OTOG: variants seen among roughly 807,000 people sequenced by gnomAD.
The protein encoded by OTOG is otogelin.
OTOG carries 296 observed loss-of-function variants against 313.8 expected under a neutral mutation model. The ratio of observed to expected loss-of-function variants is 0.94; its 90% confidence interval spans 0.86 to 1.04. OTOG has a LOEUF of 1.04. OTOG is among the 50% of genes least tolerant of loss of function. The probability of loss-of-function intolerance (pLI) is 0.00; values close to 1 mark genes in which losing one functional copy is unlikely to be tolerated. For synonymous variants in OTOG, 1,533 were observed against 1,554.9 expected (o/e 0.99, Z 0.33); for missense variants, 3,948 against 3,840.1 (o/e 1.03, Z -0.74).
chr11:17,575,359 T>G (rs1417694547), intron 20 of OTOG, among the ~76,000 whole-genome samples: 1 of 152,220 alleles, frequency 6.6e-6, no homozygotes, highest in East Asian at 1.9e-4. Flanking sequence ...CAAGAGCTGT[T>G]GAGCCAAGTA....
rs1853498923 is a variant in OTOG at position 17,610,335 on chromosome 11, A to G, written c.5035A>G (p.Thr1679Ala). 1.3e-6 allele frequency: 2 copies of G among 1,550,702 alleles called. No homozygotes were observed. The highest frequency in any genetic ancestry group is 1.7e-6 in the Non-Finnish European group (2 of 1,147,006). Residue 1679 changes from threonine (T) to alanine (A), a missense_variant, in exon 36 of 56, where the codon ACA becomes GCA. Thr to Ala is a moderately conservative substitution (Grantham distance 58, BLOSUM62 0). Coordinates refer to ENST00000399397, the MANE Select transcript of OTOG (RefSeq NM_001292063.2). ...TGCAGTAACTAAGGTCATAAGCAGG[A>G]CAGGGGTCCCCCAGCCCACCCAGGC... is the stretch of plus-strand genomic sequence containing the variant. Reference protein sequence around the residue: ...TPAVTKVISRTGVPQPTQAQS... With the variant: ...TPAVTKVISRAGVPQPTQAQS...
chr11:17,618,140 A>T (rs1853771587), intron 39 of OTOG, among the ~76,000 whole-genome samples: 1 of 152,250 alleles, frequency 6.6e-6, no homozygotes, highest in South Asian at 2.1e-4. Flanking sequence ...TGATCTCGTG[A>T]TCCACCCGCC....
chr11:17,617,058 C>A (rs1484170131), intron 39 of OTOG, among the ~76,000 whole-genome samples: 1 of 152,096 alleles, frequency 6.6e-6, no homozygotes, highest in East Asian at 1.9e-4. Flanking sequence ...GATTTTATTA[C>A]CAGGAGTAGA....
intron 22 of OTOG, among the ~76,000 whole-genome samples, chr11:17,578,112 G>A (rs531951266): frequency 6.6e-6 from 1 of 152,094 alleles, no homozygotes; most frequent in African/African-American, 2.4e-5. Flanking sequence ...GATGATGCAG[G>A]GGAAGCACCT....
intron 48 of OTOG, 55 bp downstream of exon 48, chr11:17,638,604 G>A: frequency 6.5e-7 from 1 of 1,527,848 alleles, no homozygotes; most frequent in Non-Finnish European, 8.9e-7. Context: ...GCCCTGCTGA[G>A]GAGGGATTGA....
intron 54 of OTOG, among the ~76,000 whole-genome samples, chr11:17,644,735 C>T (rs760102544): frequency 6.8e-6 from 1 of 147,392 alleles, no homozygotes; most frequent in African/African-American, 2.6e-5. Context: ...CTGGAAGGGG[C>T]CTGTGCAAAA....
In OTOG at chr11:17,587,669, G is replaced by A. The variant is rs140919289; in HGVS notation, c.2867+1088G>A. The stretch of plus-strand genomic sequence containing the variant: ...GGTCAAGCCCATCTGCTCCAAGGCC[G>A]GTTTCTCCAGATACATCAGAGTGTA... On this transcript the variant is annotated intron_variant, in intron 24 of 55. Coordinates refer to ENST00000399397, the MANE Select transcript of OTOG (RefSeq NM_001292063.2). 2.8e-3 allele frequency among the ~76,000 whole-genome samples: 429 copies of A among 152,286 alleles called. 1 individual carries two copies. Among genetic ancestry groups the A allele is most frequent in the African/African-American group, 9.6e-3 (399 of 41,552 alleles).
intron 19 of OTOG, among the ~76,000 whole-genome samples, chr11:17,574,020 C>G (rs867903052): frequency 6.6e-6 from 1 of 152,184 alleles, no homozygotes; most frequent in East Asian, 1.9e-4. Flanking sequence ...TGGGCCACAT[C>G]GAGTATCAAC....
At chr11:17,586,076 T>C (rs1435870475) in intron 23 of OTOG, among the ~76,000 whole-genome samples, 3 of 152,208 alleles carry the variant, frequency 2.0e-5, no homozygotes, top group African/African-American at 4.8e-5. Flanking sequence ...ACAGCAGCAC[T>C]GCTGCTTTGG....
At chr11:17,645,427 A>T (rs747918608) in intron 54 of OTOG, 137 bp from the exon 55 acceptor site, 13 of 757,106 alleles carry the variant, frequency 1.7e-5, no homozygotes, top group Non-Finnish European at 2.8e-5. Context: ...CTGGATGGGG[A>T]GGGGCACTAA....
In OTOG at chr11:17,578,391, G is replaced by A. The variant is rs924273517; in HGVS notation, c.2624G>A (p.Gly875Asp). Residue 875 changes from glycine (G) to aspartate (D), a missense_variant, in exon 23 of 56, where the codon GGC becomes GAC. Physicochemically the swap from Gly to Asp is moderately conservative, Grantham distance 94. Transcript: ENST00000399397. ...SRAPAAACPA[G>D]QVFVNCSDLH... ...CTTCCAGCTGCTGCCTGCCCAGCAGGCCAGGTCTTCGTGAACTGCAGCGAC... is the reference window on the plus strand; with the variant it reads ...CTTCCAGCTGCTGCCTGCCCAGCAGACCAGGTCTTCGTGAACTGCAGCGAC... The A allele has an allele frequency of 3.9e-6, 6 of 1,528,538 alleles. No individual in the cohort carries two copies. In the South Asian group the frequency reaches 7.2e-5, roughly 18 times the overall value. The allele number at this position is 1,528,538 out of a possible 1,614,324, so 94.7% of individuals were successfully genotyped here.
chr11:17,606,224 A>AC (rs1853385978), intron 33 of OTOG, 89 bp downstream of exon 33: 1 of 1,401,152 alleles, frequency 7.1e-7, no homozygotes, highest in African/African-American at 1.4e-5. Flanking sequence ...CCTTCCAATT[A>AC]CCCCTAAGAA....
intron 34 of OTOG, among the ~76,000 whole-genome samples, chr11:17,608,715 T>C (rs940552114): frequency 3.3e-5 from 5 of 152,172 alleles, no homozygotes; most frequent in African/African-American, 1.2e-4. Context: ...TGAGGGTGTA[T>C]TCACTGATTT....
chr11:17,596,273 G>A (rs1565109430), intron 29 of OTOG, 119 bp downstream of exon 29: 2 of 754,300 alleles, frequency 2.7e-6, no homozygotes, highest in Non-Finnish European at 4.5e-6. Context: ...GGGAAGATCT[G>A]CCTCTGCCAT....
chr11:17,559,117 C>T lies in OTOG; in HGVS notation c.1169C>T (p.Ala390Val), dbSNP rs1326511501. The T allele has an allele frequency of 1.3e-6, 2 of 1,543,724 alleles. No homozygotes were observed. The highest frequency in any genetic ancestry group is 1.4e-5 in the African/African-American group (1 of 73,178). The change falls in exon 11 of 56, where the codon GCA becomes GTA. Residue 390 changes from alanine (A) to valine (V), a missense_variant. Coordinates refer to ENST00000399397, the MANE Select transcript of OTOG (RefSeq NM_001292063.2). ...GAGTATGCCCGGGCGTGTGCCCAGGCAGGGCGGCCCTTGCAAGGCTGGAGG... is the reference window on the plus strand; with the variant it reads ...GAGTATGCCCGGGCGTGTGCCCAGGTAGGGCGGCCCTTGCAAGGCTGGAGG... ...LAEYARACAQ[A>V]GRPLQGWRTQ...
intron 11 of OTOG, 21 bp from the exon 12 acceptor site, chr11:17,559,513 C>T (rs1852131196): frequency 4.5e-6 from 7 of 1,550,380 alleles, no homozygotes; most frequent in Admixed American, 2.0e-5. Flanking sequence ...GCTGAGAGAC[C>T]ATGGATCCCT....
Position 17,581,389 on chromosome 11 carries a change from CAG to C in OTOG, c.2759+2864_2759+2865del, listed in dbSNP as rs1852662476. On this transcript the variant is annotated intron_variant, in intron 23 of 55. Transcript: ENST00000399397. The stretch of plus-strand genomic sequence containing the variant: ...GGAGGGGTGAGATGCATCGTGGAAA[CAG>C]GGAGATTCAGTGAAAAGCAAGTGGA... Among the ~76,000 whole-genome samples the C allele has an allele frequency of 2.0e-5, 3 of 152,162 alleles. No homozygotes were observed. The South Asian group carries it at 6.2e-4, about 32-fold the overall frequency.
intron 53 of OTOG, 103 bp from the exon 54 acceptor site, chr11:17,643,358 G>T: frequency 2.7e-6 from 2 of 749,620 alleles, no homozygotes; most frequent in Non-Finnish European, 3.8e-6. Flanking sequence ...CACGGGGAGA[G>T]AAGAGTCAAG....
intron 2 of OTOG, 59 bp downstream of exon 2, chr11:17,548,046 C>A: frequency 8.1e-7 from 1 of 1,235,570 alleles, no homozygotes; most frequent in Non-Finnish European, 1.1e-6. Context: ...TTTCTGGCAT[C>A]AGCGACCCCA....
Sources: allele counts gnomAD v4.1 joint callset (sites outside exome capture counted in the v4.1 genomes callset), GRCh38; gene constraint gnomAD v4.1.1; transcripts MANE v1.5; gene names NCBI Gene and HGNC (gene_info 2026-07-23, HGNC 2026-07-21).